The following COPG2 variants were observed in gnomAD, a reference collection of about 807,000 sequenced individuals.
The protein encoded by COPG2 is coat protein complex I subunit gamma 2.
In COPG2, 37 loss-of-function variants were observed where a neutral mutation model predicts 46.3. The ratio of observed to expected loss-of-function variants is 0.80; its 90% CI spans 0.61 to 1.05. The LOEUF (loss-of-function observed/expected upper bound fraction) is 1.05. Ranked by LOEUF, COPG2 falls within the 50% of genes least tolerant of loss-of-function variation. The pLI is 0.00. For synonymous variants in COPG2, 159 were observed against 129.7 expected (o/e 1.23, Z -1.53); for missense variants, 427 against 387.8 (o/e 1.10, Z -0.85).
chr7:130,622,814 A>T (rs1197912511), intron 5 of COPG2, among the ~76,000 whole-genome samples: 1 of 152,142 alleles, frequency 6.6e-6, no homozygotes, highest in Non-Finnish European at 1.5e-5. Context: ...TGATTGAACC[A>T]CTGATTGTTC....
intron 20 of COPG2, chr7:130,510,230 G>A: frequency 1.9e-6 from 1 of 519,930 alleles, no homozygotes. Flanking sequence ...GAAAACAGAC[G>A]ATGGCAGTGG....
chr7:130,608,806 T>C (rs147327496), intron 9 of COPG2, among the ~76,000 whole-genome samples: 12 of 152,090 alleles, frequency 7.9e-5, no homozygotes, highest in African/African-American at 2.9e-4. Flanking sequence ...TAGGTTATGA[T>C]TAGGTGTGGT....
At position 130,533,639 on chromosome 7, in the gene COPG2, G is replaced by C. The variant is rs969230993; in HGVS notation, c.2149+14035C>G. 2.6e-5 allele frequency among the ~76,000 whole-genome samples: 4 copies of C among 152,244 alleles called. No individual in the cohort carries two copies. In the East Asian group the frequency reaches 7.7e-4, roughly 29 times the overall value. On this transcript the variant is annotated intron_variant, in intron 20 of 23. Coordinates refer to ENST00000425248, the MANE Select transcript of COPG2 (RefSeq NM_012133.6). Reference sequence around the variant, plus strand: ...TGATCAGAGCTCAAATCAGACAGTAGATGAATGAATACAGCATGTTAGGGA... The same window carrying C: ...TGATCAGAGCTCAAATCAGACAGTACATGAATGAATACAGCATGTTAGGGA...
chr7:130,641,527 C>T (rs1795488407), intron 5 of COPG2, among the ~76,000 whole-genome samples: 1 of 152,148 alleles, frequency 6.6e-6, no homozygotes, highest in Non-Finnish European at 1.5e-5. Context: ...GGTACAACTC[C>T]AGGAAGTATT....
At chr7:130,635,141 T>C (rs1554455918) in intron 5 of COPG2, among the ~76,000 whole-genome samples, 2 of 151,446 alleles carry the variant, frequency 1.3e-5, no homozygotes, top group African/African-American at 4.9e-5. Context: ...TTCGCATCGA[T>C]GTTCATCAGG....
intron 9 of COPG2, among the ~76,000 whole-genome samples, chr7:130,591,299 C>A (rs1200559066): frequency 9.4e-6 from 1 of 106,386 alleles, no homozygotes; most frequent in Admixed American, 8.6e-5. Context: ...GGCCAGCCGC[C>A]CCGTCCGGGA....
intron 5 of COPG2, among the ~76,000 whole-genome samples, chr7:130,647,342 T>C (rs997760436): frequency 1.3e-5 from 2 of 152,054 alleles, no homozygotes; most frequent in Admixed American, 1.3e-4. Flanking sequence ...TGGCCTCAGG[T>C]AGTATCTTTA....
chr7:130,645,234 G>A, intron 5 of COPG2: 1 of 700,284 alleles, frequency 1.4e-6, no homozygotes, highest in Admixed American at 1.8e-5. Context: ...TGTGAGAAAG[G>A]CTCTTGTTCA....
At chr7:130,577,138 A>C (rs933756693) in intron 9 of COPG2, among the ~76,000 whole-genome samples, 31 of 152,238 alleles carry the variant, frequency 2.0e-4, no homozygotes, top group Admixed American at 3.3e-4. Flanking sequence ...ACCAACAAAA[A>C]AAAGTCCAGA....
Position 130,548,439 on chromosome 7 carries a change from A to T in COPG2, c.1941T>A (p.Cys647Ter). The part of the protein sequence containing the change: ...TEAETEYFVR[C>*]IKHMFTNHIV... ...TGTGATTGGTAAACATGTGCTTGAT[A>T]CATCGAACAAAATATTCTGTCTCTG... The change falls in exon 19 of 24, where the codon TGT becomes TGA. Residue 647 changes from cysteine to a stop codon, truncating the protein, a stop_gained. Coordinates refer to ENST00000425248, the MANE Select transcript of COPG2 (RefSeq NM_012133.6). LOFTEE classifies it high-confidence loss of function. The T allele has an allele frequency of 2.5e-6, 1 of 398,656 alleles. No individual in the cohort carries two copies. The highest frequency in any genetic ancestry group is 4.4e-6 in the Non-Finnish European group (1 of 226,060). The allele number at this position is 398,656 out of a possible 1,614,324, so 24.7% of individuals were successfully genotyped here.
At position 130,577,091 on chromosome 7, in the gene COPG2, T is replaced by C. The variant is rs1410576742; in HGVS notation, c.738-12698A>G. ...GAATTAGATCCCCTGAACAGACCAA[T>C]AACAAGCAGCGAGATTGAAATGGTA... On this transcript the variant is annotated intron_variant, in intron 9 of 23. Coordinates refer to ENST00000425248, the MANE Select transcript of COPG2 (RefSeq NM_012133.6). Among the ~76,000 whole-genome samples the C allele has an allele frequency of 4.6e-5, 7 of 152,146 alleles. No individual in the cohort carries two copies. In the East Asian group the frequency reaches 1.2e-3, roughly 25 times the overall value.
chr7:130,594,041 C>T (rs1484477389), intron 9 of COPG2, among the ~76,000 whole-genome samples: 18 of 151,924 alleles, frequency 1.2e-4, no homozygotes, highest in East Asian at 1.9e-4. Flanking sequence ...CAATCAACAT[C>T]GGACTCACAT....
chr7:130,515,375 A>C (rs1316678360), intron 20 of COPG2, among the ~76,000 whole-genome samples: 1 of 152,170 alleles, frequency 6.6e-6, no homozygotes, highest in African/African-American at 2.4e-5. Context: ...CAGGTCGTGT[A>C]AGAACTCTAT....
rs145971285 is a variant in COPG2, at chr7:130,651,201, T to C, written c.323+1668A>G. 3.3e-5 allele frequency among the ~76,000 whole-genome samples: 5 copies of C among 152,336 alleles called. No individual in the cohort carries two copies. The East Asian group carries it at 9.6e-4, about 29-fold the overall frequency. On this transcript the variant is annotated intron_variant, in intron 5 of 23. Coordinates refer to ENST00000425248, the MANE Select transcript of COPG2 (RefSeq NM_012133.6). ...TAGAACTATAAATTATATATACTTA[T>C]TCTAGGACATTTGCAAATTATAAAA...
rs1376011127 is a variant in COPG2, at chr7:130,513,303, AAAAAAATATATATATAT to A, written c.2150-4661_2150-4645del. Among the ~76,000 whole-genome samples the A allele has an allele frequency of 8.3e-3, 387 of 46,684 alleles. 1 individual carries two copies. The highest frequency in any genetic ancestry group is 0.033 in the African/African-American group (371 of 11,352). 30.6% of individuals were successfully genotyped at this position (46,684 alleles called of 152,430 possible). A position where few individuals can be genotyped will look rare whatever the true frequency, so the allele number is the denominator to read the frequency against. ...AATAATTCTGTCTAAAAAAAAAAAAAAAAAAATATATATATATATATATATATATATATATATATGTG... is the reference window on the plus strand; with the variant it reads ...AATAATTCTGTCTAAAAAAAAAAAAAATATATATATATATATATATATGTG... On this transcript the variant is annotated intron_variant, in intron 20 of 23. Transcript: ENST00000425248.
rs1214109512 is a variant in COPG2, at chr7:130,656,554, GTTAA to G, written c.244-3610_244-3607del. 3.9e-5 allele frequency among the ~76,000 whole-genome samples: 6 copies of G among 152,234 alleles called. No homozygotes were observed. In the East Asian group the frequency reaches 1.2e-3, roughly 29 times the overall value. On this transcript the variant is annotated intron_variant, in intron 4 of 23. Transcript: ENST00000425248. ...ATCATATATACATTTTTTAAATGAA[GTTAA>G]TTAACCCCGAAAAGCCTTCCCACTA...
At chr7:130,551,669 T>C (rs1793535988) in intron 15 of COPG2, among the ~76,000 whole-genome samples, 1 of 152,200 alleles carries the variant, frequency 6.6e-6, no homozygotes, top group Non-Finnish European at 1.5e-5. Flanking sequence ...GACTTCTCTG[T>C]AATTAGGAAA....
chr7:130,662,388 A>G (rs1469072354), intron 4 of COPG2, among the ~76,000 whole-genome samples: 2 of 152,216 alleles, frequency 1.3e-5, no homozygotes, highest in African/African-American at 4.8e-5. Flanking sequence ...TGGAAAATAC[A>G]TATCCCAGAA....
At chr7:130,512,634 A>G (rs1799614049) in intron 20 of COPG2, among the ~76,000 whole-genome samples, 2 of 151,802 alleles carry the variant, frequency 1.3e-5, no homozygotes, top group Non-Finnish European at 2.9e-5. Context: ...TTTTGTAAAA[A>G]TACAAAAATT....
Sources: allele counts gnomAD v4.1 joint callset (sites outside exome capture counted in the v4.1 genomes callset), GRCh38; gene constraint gnomAD v4.1.1; transcripts MANE v1.5; gene names NCBI Gene and HGNC (gene_info 2026-07-23, HGNC 2026-07-21).